ERC2: variants seen among roughly 807,000 people sequenced by gnomAD.
ERC2 encodes ERC protein 2.
A neutral mutation model predicts 114.8 loss-of-function variants in ERC2; 42 were observed. The observed-to-expected ratio is 0.37, with a 90% CI of 0.29 to 0.47. The LOEUF is 0.47. ERC2 is among the 20% of genes least tolerant of loss of function. The probability of loss-of-function intolerance (pLI) is 0.99; values close to 1 mark genes in which losing one functional copy is unlikely to be tolerated. For synonymous variants in ERC2, 454 were observed against 425.5 expected (o/e 1.07, Z -0.82); for missense variants, 939 against 1,150.7 (o/e 0.82, Z 2.66).
At chr3:55,850,382 A>C (rs2061519772) in intron 14 of ERC2, among the ~76,000 whole-genome samples, 1 of 152,252 alleles carries the variant, frequency 6.6e-6, no homozygotes, top group Admixed American at 6.5e-5. Context: ...TGTAACAGGC[A>C]CCATTCTAAA....
chr3:56,415,704 T>C (rs568296110), intron 2 of ERC2, among the ~76,000 whole-genome samples: 22 of 152,194 alleles, frequency 1.4e-4, no homozygotes, highest in Non-Finnish European at 2.9e-4. Context: ...AAAGTAAAAT[T>C]AGCCTTTACT....
intron 17 of ERC2, among the ~76,000 whole-genome samples, chr3:55,634,588 T>C (rs986337583): frequency 6.6e-6 from 1 of 152,358 alleles, no homozygotes; most frequent in Admixed American, 6.5e-5. Flanking sequence ...TACGAGAACC[T>C]GTCAGTAGAA....
At chr3:56,362,119 A>C (rs1170428442) in intron 2 of ERC2, among the ~76,000 whole-genome samples, 1 of 152,176 alleles carries the variant, frequency 6.6e-6, no homozygotes, top group African/African-American at 2.4e-5. Flanking sequence ...TGAACACTAT[A>C]TCTCCTGCTA....
At chr3:55,926,951 T>C (rs1168193198) in intron 13 of ERC2, among the ~76,000 whole-genome samples, 4 of 152,202 alleles carry the variant, frequency 2.6e-5, no homozygotes, top group African/African-American at 7.2e-5. Context: ...CCAAAGGCTT[T>C]TTTTAATTCA....
Position 55,911,517 on chromosome 3 carries a change from T to C in ERC2, c.2404-22968A>G, listed in dbSNP as rs901224351. Among the ~76,000 whole-genome samples the C allele has an allele frequency of 2.0e-5, 3 of 152,210 alleles. No individual in the cohort carries two copies. In the East Asian group the frequency reaches 5.8e-4, roughly 29 times the overall value. On this transcript the variant is annotated intron_variant, in intron 13 of 17. Coordinates refer to ENST00000288221, the MANE Select transcript of ERC2 (RefSeq NM_015576.3). ...CCAGTCAACGGCTATATGTCTCCTA[T>C]AATATCACCTTTAAGATCAAGCCAA...
At chr3:56,082,085 T>TA (rs113152182) in intron 6 of ERC2, among the ~76,000 whole-genome samples, 27,180 of 152,046 alleles carry the variant, frequency 0.18, 2,588 homozygotes, top group African/African-American at 0.23. Flanking sequence ...ATATATATAT[T>TA]AAAAAGATTA....
At chr3:55,795,587 G>A (rs1197582361) in intron 14 of ERC2, among the ~76,000 whole-genome samples, 4 of 152,094 alleles carry the variant, frequency 2.6e-5, no homozygotes, top group Non-Finnish European at 5.9e-5. Context: ...CTCTCCACCC[G>A]CTGCCTTTCA....
chr3:56,174,924 G>C (rs1312899989), intron 3 of ERC2, among the ~76,000 whole-genome samples: 1 of 151,492 alleles, frequency 6.6e-6, no homozygotes, highest in Non-Finnish European at 1.5e-5. Flanking sequence ...ATTGCAGTGA[G>C]CCGAGATCAC....
At chr3:55,947,569 G>A (rs1252076011) in intron 13 of ERC2, among the ~76,000 whole-genome samples, 1 of 152,142 alleles carries the variant, frequency 6.6e-6, no homozygotes, top group Non-Finnish European at 1.5e-5. Context: ...TCATTCTCTT[G>A]TGCTTCAGCA....
At chr3:55,853,553 C>T (rs1452717668) in intron 14 of ERC2, among the ~76,000 whole-genome samples, 1 of 152,006 alleles carries the variant, frequency 6.6e-6, no homozygotes, top group Non-Finnish European at 1.5e-5. Flanking sequence ...AAAAAGAAAG[C>T]ACTAGCACTC....
Position 56,189,894 on chromosome 3 carries a change from T to G in ERC2, c.1075-16374A>C, listed in dbSNP as rs374884263. On this transcript the variant is annotated intron_variant, in intron 3 of 17. Coordinates refer to ENST00000288221, the MANE Select transcript of ERC2 (RefSeq NM_015576.3). ...CTGGAATATTTTATGGCATTTGCCC[T>G]TATTTTATTAAAATTAGAGGAAAAC... Among the ~76,000 whole-genome samples, 102 of 152,348 alleles carry G rather than the reference T, an allele frequency of 6.7e-4. 3 individuals carry two copies. In the South Asian group the frequency reaches 0.02, roughly 30 times the overall value.
At chr3:56,018,547 G>A (rs1049425593) in intron 8 of ERC2, among the ~76,000 whole-genome samples, 7 of 152,116 alleles carry the variant, frequency 4.6e-5, no homozygotes, top group Admixed American at 2.0e-4. Context: ...ATGAGGGAGG[G>A]AGCAGGCACA....
chr3:56,410,920 G>A (rs185528693), intron 2 of ERC2, among the ~76,000 whole-genome samples: 49 of 151,824 alleles, frequency 3.2e-4, no homozygotes, highest in African/African-American at 1.2e-3. Flanking sequence ...TCCTTGCCCA[G>A]GATACAGTAG....
intron 3 of ERC2, among the ~76,000 whole-genome samples, chr3:56,212,750 G>A (rs1396903449): frequency 6.6e-6 from 1 of 150,842 alleles, no homozygotes; most frequent in Non-Finnish European, 1.5e-5. Context: ...ATATATATAT[G>A]TGTGTGTGTG....
intron 2 of ERC2, among the ~76,000 whole-genome samples, chr3:56,308,296 A>G (rs571506978): frequency 1.3e-5 from 2 of 152,314 alleles, no homozygotes; most frequent in African/African-American, 4.8e-5. Context: ...ACAGAATTTC[A>G]TCTTGAACAA....
At chr3:56,258,783 T>C (rs930809699) in intron 3 of ERC2, among the ~76,000 whole-genome samples, 31 of 152,302 alleles carry the variant, frequency 2.0e-4, no homozygotes, top group African/African-American at 7.5e-4. Flanking sequence ...TCACGTGATA[T>C]TCGAGATGGA....
intron 15 of ERC2, among the ~76,000 whole-genome samples, chr3:55,716,903 G>A (rs1338585364): frequency 6.6e-6 from 1 of 152,108 alleles, no homozygotes; most frequent in Non-Finnish European, 1.5e-5. Flanking sequence ...AAGTGTTTAG[G>A]GGCCCAGGGA....
At chr3:56,170,376 C>A (rs1224526385) in intron 4 of ERC2, among the ~76,000 whole-genome samples, 1 of 152,068 alleles carries the variant, frequency 6.6e-6, no homozygotes, top group Non-Finnish European at 1.5e-5. Flanking sequence ...AGAGGGGGTA[C>A]ACAAAAATCT....
chr3:56,064,532 C>A (rs2076383785), intron 7 of ERC2, among the ~76,000 whole-genome samples: 2 of 152,224 alleles, frequency 1.3e-5, no homozygotes, highest in African/African-American at 4.8e-5. Flanking sequence ...TTGCTTCATT[C>A]AGACTTTATT....
Sources: gnomAD v4.1 joint callset for allele counts (sites outside exome capture counted in the v4.1 genomes callset) on GRCh38, gnomAD v4.1.1 for gene constraint, MANE v1.5 for transcripts, NCBI Gene and HGNC (gene_info 2026-07-23, HGNC 2026-07-21) for gene names.